Variants in KLHL40 observed in about 807,000 individuals in gnomAD.
KLHL40 encodes the protein kelch-like protein 40.
KLHL40 carries 44 observed loss-of-function variants against 49.7 expected under a neutral mutation model. The observed-to-expected ratio is 0.89, with a 90% CI of 0.70 to 1.14. KLHL40 has a LOEUF of 1.14. Among genes scored for constraint, KLHL40 ranks in the 50% most tolerant of loss-of-function variants. The pLI is 0.00. For missense variants in KLHL40, 892 were observed against 850.3 expected (o/e 1.05, Z -0.61); for synonymous variants, 409 against 365.2 (o/e 1.12, Z -1.37).
Position 42,691,101 on chromosome 3 carries a change from T to C in KLHL40, c.1754+96T>C, listed in dbSNP as rs547677731. ...TACCAAGGCACTGGGCAAGCTCCTC[T>C]GGGGGCAAAGCGGATCCCTCTTCTA... On this transcript the variant is annotated intron_variant, in intron 5 of 5. Transcript: ENST00000287777. The C allele has an allele frequency of 2.8e-5, 37 of 1,302,030 alleles. No homozygotes were observed. In the African/African-American group the frequency reaches 4.9e-4, roughly 17 times the overall value. 80.7% of individuals were successfully genotyped at this position (1,302,030 alleles called of 1,614,324 possible).
At position 42,685,988 on chromosome 3, in the gene KLHL40, C is replaced by T; in HGVS notation, c.370C>T (p.Leu124=). The T allele has an allele frequency of 1.2e-6, 2 of 1,611,734 alleles. No individual in the cohort carries two copies. Among genetic ancestry groups the T allele is most frequent in the Non-Finnish European group, 1.7e-6 (2 of 1,179,976 alleles). The change falls in exon 1 of 6, where the codon CTG becomes TTG. Residue 124 remains leucine, a synonymous_variant. Transcript: ENST00000287777. ...PSIFTICVSF[L]QKRLCLSNCL... ...CATCTTCACCATCTGCGTGTCCTTC[C>T]TGCAGAAGCGCCTGTGCCTCTCCAA...
At chr3:42,687,767 C>CGTA (rs1697297448) in intron 1 of KLHL40, among the ~76,000 whole-genome samples, 1 of 152,004 alleles carries the variant, frequency 6.6e-6, no homozygotes, top group African/African-American at 2.4e-5. Context: ...AAGGCAGGGC[C>CGTA]GTATTTGGAA....
rs955017238 is a variant in KLHL40, at chr3:42,688,373, G to A, written c.1313+71G>A. On this transcript the variant is annotated intron_variant, in intron 2 of 5. Coordinates refer to ENST00000287777, the MANE Select transcript of KLHL40 (RefSeq NM_152393.4). The surrounding 1 kb of genome is among the most constrained non-coding windows in gnomAD (Gnocchi z 4.2). ...GCATGGAGGCCGCAGCTGGTCTAGG[G>A]CCTGGGGTGGGATTTGGAGCTAGAG... 1.3e-6 allele frequency: 2 copies of A among 1,550,876 alleles called. No individual in the cohort carries two copies. The highest frequency in any genetic ancestry group is 1.8e-6 in the Non-Finnish European group (2 of 1,127,252).
rs954206954 is a variant in KLHL40, at chr3:42,685,821, G to A, written c.203G>A (p.Arg68His). 9.9e-6 allele frequency: 16 copies of A among 1,612,938 alleles called. No individual in the cohort carries two copies. Among genetic ancestry groups the A allele is most frequent in the Non-Finnish European group, 1.4e-5 (16 of 1,179,768 alleles). ...GCGCGCTTTCTAGCCGAGCCGGAGCGCGCGGGCGAGCTGCACCTGGAGGAG... is the reference window on the plus strand; with the variant it reads ...GCGCGCTTTCTAGCCGAGCCGGAGCACGCGGGCGAGCTGCACCTGGAGGAG... ...FRARFLAEPE[R>H]AGELHLEEVS... Residue 68 changes from arginine to histidine, a missense_variant, in exon 1 of 6, where the codon CGC becomes CAC. Transcript: ENST00000287777.
chr3:42,685,741 G>T lies in KLHL40; in HGVS notation c.123G>T (p.Glu41Asp). The change falls in exon 1 of 6, where the codon GAG (glutamate) becomes GAT (aspartate). Residue 41 changes from glutamate (E) to aspartate (D), a missense_variant. Physicochemically the swap from Glu to Asp is conservative, Grantham distance 45. Coordinates refer to ENST00000287777, the MANE Select transcript of KLHL40 (RefSeq NM_152393.4). ...KFLDCVVRAGEREFPCHRLVL... is the reference protein window; with the variant it reads ...KFLDCVVRAGDREFPCHRLVL... Reference sequence around the variant, plus strand: ...TCGACTGTGTGGTGCGGGCGGGCGAGCGCGAGTTCCCGTGCCATCGCCTGG... The same window carrying T: ...TCGACTGTGTGGTGCGGGCGGGCGATCGCGAGTTCCCGTGCCATCGCCTGG... 1 of 1,612,926 alleles carries T rather than the reference G, an allele frequency of 6.2e-7. No homozygotes were observed. The highest frequency in any genetic ancestry group is 8.5e-7 in the Non-Finnish European group (1 of 1,179,784).
At position 42,689,071 on chromosome 3, in the gene KLHL40, C is replaced by T. The variant is rs779019306; in HGVS notation, c.1607+17C>T. On this transcript the variant is annotated intron_variant, in intron 4 of 5. Transcript: ENST00000287777. ...AGACAACAAGTATGAAAGCTTGTCCCTTCCGCCAAGGACAACTGCATGGCT... is the reference window on the plus strand; with the variant it reads ...AGACAACAAGTATGAAAGCTTGTCCTTTCCGCCAAGGACAACTGCATGGCT... The T allele has an allele frequency of 6.3e-7, 1 of 1,596,160 alleles. No homozygotes were observed. Among genetic ancestry groups the T allele is most frequent in the Non-Finnish European group, 8.6e-7 (1 of 1,167,044 alleles).
chr3:42,688,459 G>T lies in KLHL40; in HGVS notation c.1314-151G>T. 1.1e-6 allele frequency: 1 copy of T among 921,328 alleles called. No individual in the cohort carries two copies. The highest frequency in any genetic ancestry group is 1.7e-6 in the Non-Finnish European group (1 of 593,578). 57.1% of individuals were successfully genotyped at this position (921,328 alleles called of 1,614,324 possible). On this transcript the variant is annotated intron_variant, in intron 2 of 5. Transcript: ENST00000287777. This position sits in a 1 kb window ranked among gnomAD's most constrained non-coding sequence, Gnocchi z 4.2. The stretch of plus-strand genomic sequence containing the variant: ...GCGGGGAGGTTGGGGGGCAGGGTGG[G>T]ATCAAAGAACTGAGAGGCCTCGGAA...
Position 42,685,685 on chromosome 3 carries a change from C to G in KLHL40, c.67C>G (p.Leu23Val). 1.2e-6 allele frequency: 2 copies of G among 1,613,084 alleles called. No individual in the cohort carries two copies. The highest frequency in any genetic ancestry group is 1.7e-4 in the Middle Eastern group (1 of 6,058). ...LYQQTLLQDGLKDMLDHGKFL... is the reference protein window; with the variant it reads ...LYQQTLLQDGVKDMLDHGKFL... ...CCAGCAGACGCTCCTGCAAGACGGG[C>G]TCAAAGACATGCTGGACCATGGCAA... Residue 23 changes from leucine to valine, a missense_variant, in exon 1 of 6, where the codon CTC (leucine) becomes GTC (valine). Physicochemically the swap from Leu to Val is conservative, Grantham distance 32. Transcript: ENST00000287777.
Position 42,689,013 on chromosome 3 carries a change from G to A in KLHL40, c.1566G>A (p.Gly522=). ...IIVAAGVTDT[G]LTSSAEVYSI... ...TGGCAGCTGGGGTCACCGACACAGG[G>A]CTGACCAGTTCTGCCGAAGTGTACA... The change falls in exon 4 of 6, where the codon GGG becomes GGA. Residue 522 remains glycine, a synonymous_variant. Coordinates refer to ENST00000287777, the MANE Select transcript of KLHL40 (RefSeq NM_152393.4). 1 of 1,614,170 alleles carries A rather than the reference G, an allele frequency of 6.2e-7. No homozygotes were observed. The highest frequency in any genetic ancestry group is 8.5e-7 in the Non-Finnish European group (1 of 1,180,026).
chr3:42,687,833 G>T (rs1411211983), intron 1 of KLHL40, among the ~76,000 whole-genome samples: 1 of 152,020 alleles, frequency 6.6e-6, no homozygotes, highest in Admixed American at 6.5e-5. Context: ...CCTCAGTTGG[G>T]AGTTGTTCAG....
chr3:42,687,081 G>A (rs557883240), intron 1 of KLHL40, among the ~76,000 whole-genome samples: 126 of 152,374 alleles, frequency 8.3e-4, no homozygotes, highest in Non-Finnish European at 1.5e-3. Flanking sequence ...CAAGGTCGGT[G>A]TGAGGATCCT....
chr3:42,689,851 G>C (rs764093690), intron 4 of KLHL40, among the ~76,000 whole-genome samples: 3 of 152,174 alleles, frequency 2.0e-5, no homozygotes, highest in African/African-American at 7.2e-5. Flanking sequence ...CTGAAAGCCT[G>C]TAAGTCTGCA....
Position 42,686,267 on chromosome 3 carries a change from C to G in KLHL40, c.649C>G (p.Leu217Val), listed in dbSNP as rs1196569802. The change falls in exon 1 of 6, where the codon CTG (leucine) becomes GTG (valine). Residue 217 changes from leucine (L) to valine (V), a missense_variant. Transcript: ENST00000287777. The part of the protein sequence containing the change: ...AEAQAERQRA[L>V]PTVFESVRCR... ...GGCGCAGGCTGAGCGCCAGCGCGCG[C>G]TGCCCACCGTCTTCGAGAGCGTGCG... The G allele has an allele frequency of 2.6e-5, 41 of 1,558,444 alleles. No homozygotes were observed. The highest frequency in any genetic ancestry group is 3.5e-5 in the Non-Finnish European group (40 of 1,152,398).
At chr3:42,689,257 C>T (rs950505940) in intron 4 of KLHL40, among the ~76,000 whole-genome samples, 3 of 152,102 alleles carry the variant, frequency 2.0e-5, no homozygotes, top group Non-Finnish European at 4.4e-5. Context: ...GAGGGGGCTC[C>T]CAGGGCTGGG....
At chr3:42,689,130 T>A in intron 4 of KLHL40, 76 bp downstream of exon 4, 1 of 1,324,256 alleles carries the variant, frequency 7.6e-7, no homozygotes, top group East Asian at 2.4e-5. Flanking sequence ...GGAGCTGCAG[T>A]CCCTGTCTTG....
At chr3:42,687,055 G>A (rs539793625) in intron 1 of KLHL40, among the ~76,000 whole-genome samples, 1 of 152,256 alleles carries the variant, frequency 6.6e-6, no homozygotes, top group African/African-American at 2.4e-5. Context: ...TTGGGGTGGG[G>A]CACAGTAAGG....
Position 42,688,150 on chromosome 3 carries a change from T to A in KLHL40, c.1161T>A (p.His387Gln). The change falls in exon 2 of 6, where the codon CAT becomes CAA. Residue 387 changes from histidine to glutamine, a missense_variant. Physicochemically the swap from His to Gln is conservative, Grantham distance 24. Coordinates refer to ENST00000287777, the MANE Select transcript of KLHL40 (RefSeq NM_152393.4). This position sits in a 1 kb window ranked among gnomAD's most constrained non-coding sequence, Gnocchi z 4.2. ...GGACACCTGGCCTGCAGTTTGACCATCTGGACTCAGAGTGGCTGGGGATGC... is the reference window on the plus strand; with the variant it reads ...GGACACCTGGCCTGCAGTTTGACCAACTGGACTCAGAGTGGCTGGGGATGC... The part of the protein sequence containing the change: ...PMSAYFLQFD[H>Q]LDSEWLGMPP... 1.2e-6 allele frequency: 2 copies of A among 1,613,940 alleles called. No homozygotes were observed. Among genetic ancestry groups the A allele is most frequent in the Middle Eastern group, 3.3e-4 (2 of 6,062 alleles).
chr3:42,689,266 G>A (rs983286335), intron 4 of KLHL40, among the ~76,000 whole-genome samples: 4 of 152,166 alleles, frequency 2.6e-5, no homozygotes, highest in Non-Finnish European at 5.9e-5. Flanking sequence ...CCCAGGGCTG[G>A]GGGAGGGGAT....
In KLHL40 at chr3:42,692,175, A is replaced by T. The variant is rs3846062; in HGVS notation, c.*182A>T. On this transcript the variant is annotated 3_prime_UTR_variant, in exon 6 of 6. Transcript: ENST00000287777. ...GCTGCTTAGTCCTGGACTTTTGGGC[A>T]AGGGTGAGAAACTAGAGGCTTCTCC... 1.7e-6 allele frequency: 1 copy of T among 574,874 alleles called. No individual in the cohort carries two copies. Among genetic ancestry groups the T allele is most frequent in the East Asian group, 2.8e-5 (1 of 35,288 alleles). The allele number at this position is 574,874 out of a possible 1,614,324, so 35.6% of individuals were successfully genotyped here.
Sources: allele counts gnomAD v4.1 joint callset (sites outside exome capture counted in the v4.1 genomes callset), GRCh38; gene constraint gnomAD v4.1.1; non-coding constraint Gnocchi (gnomAD v3.1); transcripts MANE v1.5; gene names NCBI Gene and HGNC (gene_info 2026-07-23, HGNC 2026-07-21).